PPARGC1A: variants seen among roughly 807,000 people sequenced by gnomAD.
The protein encoded by PPARGC1A is peroxisome proliferator-activated receptor gamma coactivator 1-alpha.
PPARGC1A carries 25 observed loss-of-function variants against 88.7 expected under a neutral mutation model. That is an observed-to-expected ratio of 0.28 (90% confidence interval 0.21 to 0.39). The LOEUF (loss-of-function observed/expected upper bound fraction) is 0.39. Among genes scored for constraint, PPARGC1A ranks in the 10% least tolerant of loss-of-function variants. PPARGC1A has a pLI of 1.00. For missense variants in PPARGC1A, 880 were observed against 968.7 expected (o/e 0.91, Z 1.22); for synonymous variants, 363 against 355.6 (o/e 1.02, Z -0.24).
the PPARGC1A span, among the ~76,000 whole-genome samples, chr4:24,351,064 C>A: frequency 1.1e-4 from 16 of 152,114 alleles, no homozygotes; most frequent in Admixed American, 9.2e-4. Flanking sequence ...AACCCCGTCT[C>A]TACCAAAAAC....
chr4:24,084,367 G>C, the PPARGC1A span, among the ~76,000 whole-genome samples: 5 of 152,370 alleles, frequency 3.3e-5, no homozygotes, highest in African/African-American at 1.2e-4. Context: ...TTAGCCTTGA[G>C]AGCAACAGCC....
the PPARGC1A span, among the ~76,000 whole-genome samples, chr4:24,472,258 C>T: frequency 1.3e-5 from 2 of 152,018 alleles, no homozygotes; most frequent in South Asian, 4.1e-4. This position sits in a 1 kb window ranked among gnomAD's most constrained non-coding sequence, Gnocchi z 4.5. Flanking sequence ...GTGCGACCCA[C>T]TTGGCCCCCC....
At chr4:24,319,064 C>T in the PPARGC1A span, among the ~76,000 whole-genome samples, 4 of 152,202 alleles carry the variant, frequency 2.6e-5, no homozygotes, top group South Asian at 2.1e-4. Context: ...TAAAGAAACT[C>T]GGCTGAGTGC....
chr4:24,100,097 T>C, the PPARGC1A span, among the ~76,000 whole-genome samples: 4 of 152,142 alleles, frequency 2.6e-5, no homozygotes, highest in African/African-American at 7.2e-5. Context: ...GTTGTGCACA[T>C]GTATCCTAGA....
intron 2 of PPARGC1A, 194 bp downstream of exon 2, chr4:23,884,558 C>A (rs1217909773): frequency 2.1e-6 from 1 of 486,688 alleles, no homozygotes; most frequent in Non-Finnish European, 3.4e-6. Context: ...TTTTTTAAAT[C>A]TTTAAAAAAA....
At chr4:24,065,460 T>C in the PPARGC1A span, among the ~76,000 whole-genome samples, 1 of 152,198 alleles carries the variant, frequency 6.6e-6, no homozygotes, top group African/African-American at 2.4e-5. Flanking sequence ...CAGCCCAGCT[T>C]GTTCTCCGTT....
upstream of PPARGC1A, among the ~76,000 whole-genome samples, chr4:23,894,851 C>A (rs7657071): frequency 0.29 from 43,890 of 151,966 alleles, 6,661 homozygotes; most frequent in Middle Eastern, 0.35. Context: ...TGATGTTCAA[C>A]TCGGTTGTAT....
chr4:24,109,019 C>CACACACCACA, the PPARGC1A span, among the ~76,000 whole-genome samples: 2 of 140,652 alleles, frequency 1.4e-5, no homozygotes, highest in African/African-American at 5.2e-5. Flanking sequence ...CACACACACA[C>CACACACCACA]CACACACACA....
At chr4:24,151,503 A>G in the PPARGC1A span, among the ~76,000 whole-genome samples, 1 of 152,198 alleles carries the variant, frequency 6.6e-6, no homozygotes, top group African/African-American at 2.4e-5. Context: ...ACCGGGGGTT[A>G]GGGCTTCAGC....
At chr4:24,181,177 A>C in the PPARGC1A span, among the ~76,000 whole-genome samples, 1 of 152,240 alleles carries the variant, frequency 6.6e-6, no homozygotes, top group African/African-American at 2.4e-5. Flanking sequence ...GAGGTGAATT[A>C]CTAATAGTTA....
the PPARGC1A span, among the ~76,000 whole-genome samples, chr4:23,959,829 A>G: frequency 1.8e-4 from 28 of 152,222 alleles, 1 homozygote; most frequent in East Asian, 3.9e-3. Context: ...GATTTCAAAT[A>G]TTTGGATGCA....
chr4:23,876,636 A>G lies in PPARGC1A; in HGVS notation c.234+8116T>C, dbSNP rs559331624. ...GAGTCTCCTTCCTCCTCTCTGCCCTACCAGCCTGATTGCTCCTCCTTGAAC... is the reference window on the plus strand; with the variant it reads ...GAGTCTCCTTCCTCCTCTCTGCCCTGCCAGCCTGATTGCTCCTCCTTGAAC... On this transcript the variant is annotated intron_variant, in intron 2 of 12. Transcript: ENST00000264867. Among the ~76,000 whole-genome samples, 10 of 152,172 alleles carry G rather than the reference A, an allele frequency of 6.6e-5. No homozygotes were observed. In the East Asian group the frequency reaches 1.9e-3, roughly 30 times the overall value.
intron 2 of PPARGC1A, among the ~76,000 whole-genome samples, chr4:23,856,929 C>G (rs990665099): frequency 1.3e-5 from 2 of 152,034 alleles, no homozygotes; most frequent in Non-Finnish European, 2.9e-5. Flanking sequence ...TTTTACAGAG[C>G]TATCCAGGAA....
At chr4:24,434,425 G>C in the PPARGC1A span, among the ~76,000 whole-genome samples, 1 of 152,146 alleles carries the variant, frequency 6.6e-6, no homozygotes, top group Non-Finnish European at 1.5e-5. Flanking sequence ...ATGGTATATA[G>C]AATTTCTCAC....
intron 10 of PPARGC1A, among the ~76,000 whole-genome samples, chr4:23,802,581 C>T (rs752521110): frequency 6.1e-5 from 9 of 148,746 alleles, no homozygotes; most frequent in South Asian, 4.3e-4. Context: ...AGGAGGCTGA[C>T]GCAGAGAATT....
chr4:23,964,614 C>T, the PPARGC1A span, among the ~76,000 whole-genome samples: 10 of 151,994 alleles, frequency 6.6e-5, no homozygotes, highest in Admixed American at 3.3e-4. Flanking sequence ...AAGTTAAGCC[C>T]GGTGTTATAG....
chr4:23,824,957 A>T (rs1258596937), intron 5 of PPARGC1A, among the ~76,000 whole-genome samples: 1 of 152,120 alleles, frequency 6.6e-6, no homozygotes, highest in Non-Finnish European at 1.5e-5. Context: ...TATTTCTATG[A>T]GGCCAAAGCT....
At chr4:24,104,848 C>T in the PPARGC1A span, among the ~76,000 whole-genome samples, 70 of 152,250 alleles carry the variant, frequency 4.6e-4, no homozygotes, top group East Asian at 2.9e-3. Flanking sequence ...AGAAATCACA[C>T]GGTACTTAAA....
chr4:23,907,150 C>T (rs1173909830), upstream of PPARGC1A, among the ~76,000 whole-genome samples: 1 of 152,084 alleles, frequency 6.6e-6, no homozygotes. Flanking sequence ...TAGGGATGAC[C>T]TATGGCTATT....
Sources: gnomAD v4.1 joint callset for allele counts (sites outside exome capture counted in the v4.1 genomes callset) on GRCh38, gnomAD v4.1.1 for gene constraint, Gnocchi (gnomAD v3.1) non-coding constraint, MANE v1.5 for transcripts, NCBI Gene and HGNC (gene_info 2026-07-23, HGNC 2026-07-21) for gene names.